The following DLGAP4 variants were observed in gnomAD, a reference collection of about 807,000 sequenced individuals.
DLGAP4 encodes disks large-associated protein 4.
A neutral mutation model predicts 86.9 loss-of-function variants in DLGAP4; 18 were observed. The ratio of observed to expected loss-of-function variants is 0.21; its 90% CI spans 0.14 to 0.31. The LOEUF (loss-of-function observed/expected upper bound fraction) is 0.31, where lower values mean the gene tolerates loss of function less well. DLGAP4 is among the 10% of genes least tolerant of loss of function. The probability of loss-of-function intolerance (pLI) is 1.00; values close to 1 mark genes in which losing one functional copy is unlikely to be tolerated. For missense variants in DLGAP4, 1,085 were observed against 1,362.6 expected (o/e 0.80, Z 3.21); for synonymous variants, 548 against 574.3 (o/e 0.95, Z 0.65).
At chr20:36,357,718 G>A (rs2030376693) in intron 1 of DLGAP4, among the ~76,000 whole-genome samples, 1 of 152,206 alleles carries the variant, frequency 6.6e-6, no homozygotes, top group East Asian at 1.9e-4. Context: ...AGAAAAGTAG[G>A]GCAGGTGAGA....
intron 2 of DLGAP4, among the ~76,000 whole-genome samples, chr20:36,370,548 C>G (rs756322285): frequency 1.3e-5 from 2 of 151,630 alleles, no homozygotes; most frequent in Non-Finnish European, 2.9e-5. Context: ...GGGAGAAGGC[C>G]AAGGCATACT....
At chr20:36,408,689 A>G (rs1434957595) in intron 2 of DLGAP4, among the ~76,000 whole-genome samples, 2 of 152,230 alleles carry the variant, frequency 1.3e-5, no homozygotes, top group African/African-American at 4.8e-5. Flanking sequence ...AGGTCAGGTC[A>G]TGCCTGCTGG....
At chr20:36,447,912 G>GA (rs398035645) in intron 7 of DLGAP4, among the ~76,000 whole-genome samples, 2 of 98,588 alleles carry the variant, frequency 2.0e-5, no homozygotes, top group African/African-American at 7.9e-5. Flanking sequence ...GGGGGGGGGG[G>GA]AGACAAGGGG....
intron 2 of DLGAP4, among the ~76,000 whole-genome samples, chr20:36,419,294 C>T (rs1007284918): frequency 6.6e-6 from 1 of 151,712 alleles, no homozygotes; most frequent in African/African-American, 2.4e-5. Flanking sequence ...AGCTAATTTT[C>T]TCATGCTTTA....
chr20:36,362,011 G>A (rs1194929534), intron 1 of DLGAP4, among the ~76,000 whole-genome samples: 1 of 148,882 alleles, frequency 6.7e-6, no homozygotes, highest in Non-Finnish European at 1.5e-5. Flanking sequence ...ATAGGACATT[G>A]CCAGCCATGG....
intron 2 of DLGAP4, among the ~76,000 whole-genome samples, chr20:36,405,687 A>C (rs2032298349): frequency 1.3e-5 from 2 of 152,082 alleles, no homozygotes; most frequent in African/African-American, 4.8e-5. Context: ...GAGAGGAGCC[A>C]GGACTGGGTT....
intron 2 of DLGAP4, among the ~76,000 whole-genome samples, chr20:36,430,050 TG>T (rs1176555884): frequency 6.6e-6 from 1 of 152,212 alleles, no homozygotes; most frequent in East Asian, 1.9e-4. Flanking sequence ...ACAGGGCCGG[TG>T]GGCTTAGAAA....
intron 7 of DLGAP4, among the ~76,000 whole-genome samples, chr20:36,468,152 C>T (rs767737409): frequency 7.2e-5 from 11 of 152,198 alleles, no homozygotes; most frequent in Non-Finnish European, 1.5e-4. Context: ...AGCTAGGGAC[C>T]CTCACACAAG....
At chr20:36,360,863 G>A (rs1181246876) in intron 1 of DLGAP4, among the ~76,000 whole-genome samples, 1 of 152,038 alleles carries the variant, frequency 6.6e-6, no homozygotes, top group African/African-American at 2.4e-5. Flanking sequence ...GGGTTTAGGG[G>A]AGAAGGGGAT....
chr20:36,440,702 G>T (rs2033422563), intron 5 of DLGAP4, among the ~76,000 whole-genome samples: 1 of 152,084 alleles, frequency 6.6e-6, no homozygotes, highest in Non-Finnish European at 1.5e-5. Flanking sequence ...CGTGTACTCG[G>T]CACTTTAGGG....
intron 2 of DLGAP4, among the ~76,000 whole-genome samples, chr20:36,387,213 A>G (rs984674586): frequency 6.6e-6 from 1 of 152,212 alleles, no homozygotes; most frequent in African/African-American, 2.4e-5. Flanking sequence ...TAATTTTGCC[A>G]ATCTGCTGGG....
intron 7 of DLGAP4, chr20:36,462,482 T>G: frequency 2.5e-6 from 4 of 1,577,384 alleles, no homozygotes; most frequent in Non-Finnish European, 3.4e-6. Flanking sequence ...CCTAGCCCCC[T>G]GTCTCCCCTT....
chr20:36,400,970 C>T (rs1319304987), intron 2 of DLGAP4, among the ~76,000 whole-genome samples: 4 of 152,094 alleles, frequency 2.6e-5, no homozygotes, highest in Admixed American at 6.6e-5. Context: ...CCCCCTTTGC[C>T]GGAAAAACTG....
At chr20:36,511,584 A>C (rs1227243125) in intron 10 of DLGAP4, among the ~76,000 whole-genome samples, 2 of 152,002 alleles carry the variant, frequency 1.3e-5, no homozygotes, top group Non-Finnish European at 2.9e-5. Flanking sequence ...TCATTTAAAA[A>C]ATATTTGCGG....
intron 1 of DLGAP4, among the ~76,000 whole-genome samples, chr20:36,338,407 A>C (rs1406657178): frequency 6.6e-6 from 1 of 152,160 alleles, no homozygotes; most frequent in Non-Finnish European, 1.5e-5. Flanking sequence ...ACTAAAAAAA[A>C]ACAAAAAATA....
chr20:36,491,760 C>G (rs371533198), intron 7 of DLGAP4, among the ~76,000 whole-genome samples: 1 of 152,102 alleles, frequency 6.6e-6, no homozygotes, highest in Admixed American at 6.6e-5. Context: ...GTGTTGGGAG[C>G]CTTTGCTATA....
At chr20:36,524,843 G>T (rs1362494558) in intron 11 of DLGAP4, among the ~76,000 whole-genome samples, 1 of 151,026 alleles carries the variant, frequency 6.6e-6, no homozygotes, top group East Asian at 2.0e-4. Context: ...CAGAGGTTGT[G>T]GTGAGCCGAG....
chr20:36,317,215 CTCTCCTTT>C (rs2065108541), intron 1 of DLGAP4, among the ~76,000 whole-genome samples: 1 of 145,250 alleles, frequency 6.9e-6, no homozygotes, highest in Non-Finnish European at 1.5e-5. Flanking sequence ...TCCTTCCTTC[CTCTCCTTT>C]TTTCTTTCTT....
chr20:36,465,576 A>T (rs1410662390), intron 7 of DLGAP4, among the ~76,000 whole-genome samples: 1 of 151,960 alleles, frequency 6.6e-6, no homozygotes, highest in African/African-American at 2.4e-5. Context: ...TTTTCTTGAC[A>T]TTTCCCCAGT....
Sources: allele counts gnomAD v4.1 joint callset (sites outside exome capture counted in the v4.1 genomes callset), GRCh38; gene constraint gnomAD v4.1.1; transcripts MANE v1.5; gene names NCBI Gene and HGNC (gene_info 2026-07-23, HGNC 2026-07-21).